The following ZNF407 variants were observed in gnomAD, a reference collection of about 807,000 sequenced individuals.
The protein encoded by ZNF407 is zinc finger protein 407.
A neutral mutation model predicts 131.2 loss-of-function variants in ZNF407; 17 were observed. The ratio of observed to expected loss-of-function variants is 0.13; its 90% CI spans 0.09 to 0.19. The LOEUF (loss-of-function observed/expected upper bound fraction) is 0.19, where lower values mean the gene tolerates loss of function less well. Among genes scored for constraint, ZNF407 ranks in the 10% least tolerant of loss-of-function variants. The pLI is 1.00. For missense variants in ZNF407, 2,681 were observed against 2,830.6 expected (o/e 0.95, Z 1.20); for synonymous variants, 1,156 against 1,062.0 (o/e 1.09, Z -1.72).
intron 4 of ZNF407, among the ~76,000 whole-genome samples, chr18:74,867,239 A>G (rs1251774486): frequency 2.0e-5 from 3 of 152,148 alleles, no homozygotes; most frequent in Non-Finnish European, 4.4e-5. Context: ...TCTTTGGCAT[A>G]TTAACTTTGT....
intron 1 of ZNF407, among the ~76,000 whole-genome samples, chr18:74,629,093 A>G (rs1983932514): frequency 6.6e-6 from 1 of 152,306 alleles, no homozygotes; most frequent in South Asian, 2.1e-4. Context: ...TTACTGTGCT[A>G]TATGCTAGCA....
At chr18:74,803,229 C>T (rs894853867) in intron 4 of ZNF407, among the ~76,000 whole-genome samples, 5 of 152,270 alleles carry the variant, frequency 3.3e-5, no homozygotes, top group African/African-American at 1.2e-4. Flanking sequence ...CCTGTTTGCT[C>T]CCGTGCTCTT....
intron 8 of ZNF407, chr18:75,062,265 T>C (rs1973645066): frequency 1.3e-5 from 2 of 152,290 alleles, no homozygotes; most frequent in Admixed American, 6.5e-5. Context: ...CTGAATATTC[T>C]TTCCTGAATG....
intron 8 of ZNF407, among the ~76,000 whole-genome samples, chr18:75,041,216 C>T (rs1417030880): frequency 6.6e-6 from 1 of 152,174 alleles, no homozygotes; most frequent in South Asian, 2.1e-4. Flanking sequence ...GCTAGATCTG[C>T]CTGAGTCTTA....
intron 3 of ZNF407, among the ~76,000 whole-genome samples, chr18:74,737,885 T>C (rs1178547701): frequency 6.6e-6 from 1 of 152,232 alleles, no homozygotes; most frequent in Non-Finnish European, 1.5e-5. Context: ...AATCTTGCTA[T>C]ATTTTGTTAT....
Position 74,676,435 on chromosome 18 carries a change from G to A in ZNF407, c.4802+35313G>A, listed in dbSNP as rs79852759. On this transcript the variant is annotated intron_variant, in intron 3 of 8. Transcript: ENST00000299687. ...TGCCACCAAGAGAATGGGTGATATA[G>A]CATTTTTTTTTTTTTTTTTGAGACG... 7.7e-3 allele frequency among the ~76,000 whole-genome samples: 1,105 copies of A among 142,850 alleles called. 33 individuals are homozygous for A. In the East Asian group the frequency reaches 0.085, roughly 11 times the overall value. The allele number at this position is 142,850 out of a possible 152,430, so 93.7% of individuals were successfully genotyped here. A position where few individuals can be genotyped will look rare whatever the true frequency, so the allele number is the denominator to read the frequency against.
At chr18:75,013,696 G>A (rs1344673365) in intron 8 of ZNF407, among the ~76,000 whole-genome samples, 3 of 152,082 alleles carry the variant, frequency 2.0e-5, no homozygotes, top group Non-Finnish European at 4.4e-5. Flanking sequence ...CCACCAGCCT[G>A]CTTGTGCCCG....
Position 74,601,319 on chromosome 18 carries a change from G to A in ZNF407, c.-54+3382G>A, listed in dbSNP as rs1395743448. 2.3e-5 allele frequency among the ~76,000 whole-genome samples: 3 copies of A among 130,542 alleles called. No homozygotes were observed. The East Asian group carries it at 7.1e-4, about 31-fold the overall frequency. The allele number at this position is 130,542 out of a possible 152,430, so 85.6% of individuals were successfully genotyped here. On this transcript the variant is annotated intron_variant, in intron 1 of 8. Coordinates refer to ENST00000299687, the MANE Select transcript of ZNF407 (RefSeq NM_017757.3). Reference sequence around the variant, plus strand: ...CCTTCAGTTAGTTGTGTGTGTGTGTGTGTGTATGTCTGTGTGTGTGTGTGT... The same window carrying A: ...CCTTCAGTTAGTTGTGTGTGTGTGTATGTGTATGTCTGTGTGTGTGTGTGT...
At chr18:74,926,741 G>A (rs1971918962) in intron 8 of ZNF407, among the ~76,000 whole-genome samples, 1 of 152,208 alleles carries the variant, frequency 6.6e-6, no homozygotes, top group Admixed American at 6.5e-5. Context: ...GGTGGAGGTT[G>A]CAGTGAGCTG....
At chr18:74,946,514 A>G (rs550079928) in intron 8 of ZNF407, among the ~76,000 whole-genome samples, 59 of 152,340 alleles carry the variant, frequency 3.9e-4, no homozygotes, top group Admixed American at 1.0e-3. Flanking sequence ...CACAGGGGAG[A>G]AAATATTTTG....
chr18:75,016,579 G>A (rs917228657), intron 8 of ZNF407, among the ~76,000 whole-genome samples: 3 of 152,066 alleles, frequency 2.0e-5, no homozygotes, highest in Non-Finnish European at 2.9e-5. Flanking sequence ...GTTTAATGCC[G>A]TGGTAAAAGT....
intron 4 of ZNF407, among the ~76,000 whole-genome samples, chr18:74,843,776 C>T (rs1970665226): frequency 6.6e-6 from 1 of 152,114 alleles, no homozygotes; most frequent in Non-Finnish European, 1.5e-5. Context: ...CAGATCTTAC[C>T]TTACAGCATA....
At chr18:74,992,182 C>G (rs767975422) in intron 8 of ZNF407, among the ~76,000 whole-genome samples, 7 of 152,200 alleles carry the variant, frequency 4.6e-5, no homozygotes, top group Admixed American at 1.3e-4. Flanking sequence ...TCTTGGCCTT[C>G]TGGAGTATTT....
At position 74,826,227 on chromosome 18, in the gene ZNF407, G is replaced by A. The variant is rs921139129; in HGVS notation, c.4877+44725G>A. On this transcript the variant is annotated intron_variant, in intron 4 of 8. Coordinates refer to ENST00000299687, the MANE Select transcript of ZNF407 (RefSeq NM_017757.3). The stretch of plus-strand genomic sequence containing the variant: ...TCTGTATGCAGGTAAGTCTAGACAT[G>A]TGGTTGTACTTCTGGTTATATGGCA... Among the ~76,000 whole-genome samples the A allele has an allele frequency of 5.3e-5, 8 of 152,180 alleles. No individual in the cohort carries two copies. In the East Asian group the frequency reaches 1.3e-3, roughly 26 times the overall value.
intron 3 of ZNF407, among the ~76,000 whole-genome samples, chr18:74,757,668 C>T (rs779582398): frequency 2.6e-5 from 4 of 151,882 alleles, no homozygotes; most frequent in Admixed American, 2.6e-4. Flanking sequence ...GTTGATGTAC[C>T]TTGTTGTTCA....
intron 7 of ZNF407, among the ~76,000 whole-genome samples, chr18:74,891,083 T>A (rs942425630): frequency 2.0e-5 from 3 of 152,170 alleles, no homozygotes; most frequent in Non-Finnish European, 2.9e-5. Context: ...AATCATCCTC[T>A]CAAGTACATG....
intron 3 of ZNF407, among the ~76,000 whole-genome samples, chr18:74,747,407 C>T (rs1042140543): frequency 1.3e-5 from 2 of 151,716 alleles, no homozygotes; most frequent in African/African-American, 4.8e-5. Flanking sequence ...AAAATTATTT[C>T]CTCATAATGA....
intron 8 of ZNF407, among the ~76,000 whole-genome samples, chr18:75,040,427 T>C (rs1441756555): frequency 6.6e-6 from 1 of 152,182 alleles, no homozygotes; most frequent in Non-Finnish European, 1.5e-5. Flanking sequence ...GTGTTCAAAA[T>C]GGGGTGGAAG....
intron 4 of ZNF407, among the ~76,000 whole-genome samples, chr18:74,861,513 C>T (rs932290048): frequency 1.3e-5 from 2 of 152,134 alleles, no homozygotes; most frequent in African/African-American, 2.4e-5. Flanking sequence ...ATTTACTCGA[C>T]GTTTGCTTTC....
Sources: gnomAD v4.1 joint callset for allele counts (sites outside exome capture counted in the v4.1 genomes callset) on GRCh38, gnomAD v4.1.1 for gene constraint, MANE v1.5 for transcripts, NCBI Gene and HGNC (gene_info 2026-07-23, HGNC 2026-07-21) for gene names.